ARMC2: variants seen among roughly 807,000 people sequenced by gnomAD.
ARMC2 encodes the protein armadillo repeat containing 2.
A neutral mutation model predicts 90.3 loss-of-function variants in ARMC2; 67 were observed. The observed-to-expected ratio is 0.74, with a 90% CI of 0.61 to 0.91. ARMC2 has a LOEUF of 0.91. Ranked by LOEUF, ARMC2 falls within the 40% of genes least tolerant of loss-of-function variation. The probability of loss-of-function intolerance (pLI) is 0.00; values close to 1 mark genes in which losing one functional copy is unlikely to be tolerated. For synonymous variants in ARMC2, 393 were observed against 393.0 expected, an observed-to-expected ratio of 1.00 and a Z score of 0.00; for missense variants, 920 against 1,030.9, an observed-to-expected ratio of 0.89 and a Z score of 1.47.
the ARMC2 span, among the ~76,000 whole-genome samples, chr6:109,044,311 C>CAAAAAAAAAAAAAAAAAAA: frequency 7.0e-5 from 2 of 28,458 alleles, no homozygotes; most frequent in African/African-American, 2.0e-4. Flanking sequence ...GAACTTGCCT[C>CAAAAAAAAAAAAAAAAAAA]AAAAAAAAAA....
At chr6:108,871,762 CT>C (rs1776439844) in intron 4 of ARMC2, among the ~76,000 whole-genome samples, 1 of 152,110 alleles carries the variant, frequency 6.6e-6, no homozygotes, top group African/African-American at 2.4e-5. Flanking sequence ...TGTCTGCATG[CT>C]CTGGGAGGTG....
chr6:108,910,362 A>G (rs1315238252), intron 8 of ARMC2, among the ~76,000 whole-genome samples: 1 of 152,182 alleles, frequency 6.6e-6, no homozygotes. Flanking sequence ...CGGCTGAGGC[A>G]AGAGAGTTGA....
In ARMC2 at chr6:108,953,243, G is replaced by T. The variant is rs758235155; in HGVS notation, c.1807G>T (p.Val603Leu). ...AQRPPSEAED[V>L]LIKLTRVLAN... ...GAGGCCGCCGTCAGAGGCAGAGGAC[G>T]TGCTCATCAAGCTGACTCGTGTGCT... Residue 603 changes from valine (V) to leucine (L), a missense_variant, in exon 13 of 18, where the codon GTG (valine) becomes TTG (leucine). By Grantham distance (32) the Val-to-Leu change is conservative. Transcript: ENST00000392644. The T allele has an allele frequency of 1.9e-6, 3 of 1,613,566 alleles. No homozygotes were observed. Among genetic ancestry groups the T allele is most frequent in the South Asian group, 1.1e-5 (1 of 91,090 alleles).
At chr6:109,019,600 T>C in the ARMC2 span, among the ~76,000 whole-genome samples, 1 of 152,212 alleles carries the variant, frequency 6.6e-6, no homozygotes, top group African/African-American at 2.4e-5. Flanking sequence ...TCTTATCCTT[T>C]AGTGACACAC....
intron 5 of ARMC2, among the ~76,000 whole-genome samples, chr6:108,878,026 C>T (rs1480801453): frequency 2.0e-5 from 3 of 152,076 alleles, no homozygotes; most frequent in East Asian, 3.8e-4. Flanking sequence ...ACATTTTTTG[C>T]TTTATGAATC....
intron 12 of ARMC2, 51 bp from the exon 13 acceptor site, chr6:108,952,982 A>T: frequency 6.8e-7 from 1 of 1,467,994 alleles, no homozygotes; most frequent in South Asian, 1.3e-5. Flanking sequence ...CTTCCCCACG[A>T]TGTGTTCCAG....
At chr6:108,950,022 A>G (rs1449259322) in intron 12 of ARMC2, among the ~76,000 whole-genome samples, 1 of 152,196 alleles carries the variant, frequency 6.6e-6, no homozygotes, top group African/African-American at 2.4e-5. Context: ...CCTAGCCAAC[A>G]TGGTGAAACC....
chr6:109,044,431 G>A, the ARMC2 span, among the ~76,000 whole-genome samples: 4 of 147,038 alleles, frequency 2.7e-5, no homozygotes, highest in African/African-American at 7.5e-5. Flanking sequence ...ACATCCATAC[G>A]CAAAGAAAAG....
At chr6:108,972,860 C>T (rs538015028) in intron 17 of ARMC2, among the ~76,000 whole-genome samples, 46 of 149,570 alleles carry the variant, frequency 3.1e-4, no homozygotes, top group African/African-American at 1.1e-3. Flanking sequence ...TTTTTCTGAG[C>T]TGTCACTGTG....
the ARMC2 span, among the ~76,000 whole-genome samples, chr6:108,985,609 C>CTAAG: frequency 6.6e-6 from 1 of 152,138 alleles, no homozygotes; most frequent in South Asian, 2.1e-4. Context: ...ATTTCAATTT[C>CTAAG]TAAGTGATTA....
chr6:108,994,681 C>T, the ARMC2 span: 23 of 683,216 alleles, frequency 3.4e-5, no homozygotes, highest in South Asian at 9.4e-5. Flanking sequence ...TTAAGTCTGT[C>T]TCATAAGAAT....
At position 108,873,447 on chromosome 6, in the gene ARMC2, GC is replaced by G. The variant is rs149270777; in HGVS notation, c.464-2691del. On this transcript the variant is annotated intron_variant, in intron 4 of 17. Transcript: ENST00000392644. ...CCCTGCTCACGCCTGTCCTGGGCCT[GC>G]CCCCTCACGGTGGGTGCACCGGCAG... Among the ~76,000 whole-genome samples, 638 of 152,214 alleles carry G rather than the reference GC, an allele frequency of 4.2e-3. 3 individuals carry two copies. The highest frequency in any genetic ancestry group is 0.014 in the African/African-American group (598 of 41,518).
At chr6:109,045,504 T>G in the ARMC2 span, among the ~76,000 whole-genome samples, 4 of 152,254 alleles carry the variant, frequency 2.6e-5, no homozygotes, top group Non-Finnish European at 4.4e-5. Context: ...CCAATGATAC[T>G]GAGTTCAACT....
At chr6:108,915,292 AAAAT>A (rs1174069629) in intron 10 of ARMC2, among the ~76,000 whole-genome samples, 5 of 152,104 alleles carry the variant, frequency 3.3e-5, no homozygotes, top group Non-Finnish European at 5.9e-5. Flanking sequence ...TTCAATTGAA[AAAAT>A]AAATAAATTA....
At chr6:109,023,334 A>C in the ARMC2 span, among the ~76,000 whole-genome samples, 4 of 152,194 alleles carry the variant, frequency 2.6e-5, no homozygotes, top group Non-Finnish European at 4.4e-5. Context: ...GTCTTCTCAA[A>C]TTTCATCTTC....
At chr6:109,044,532 A>C in the ARMC2 span, among the ~76,000 whole-genome samples, 1 of 152,000 alleles carries the variant, frequency 6.6e-6, no homozygotes, top group Non-Finnish European at 1.5e-5. Context: ...AATATATAAG[A>C]CTAAAAAACA....
chr6:109,021,079 G>A, the ARMC2 span, among the ~76,000 whole-genome samples: 3 of 151,944 alleles, frequency 2.0e-5, no homozygotes, highest in Non-Finnish European at 2.9e-5. Context: ...CAGCAGCCTC[G>A]AACTCTTGGG....
rs774219496 is a variant in ARMC2 at position 108,912,549 on chromosome 6, G to A, written c.1341G>A (p.Leu447=). The part of the protein sequence containing the change: ...CGTFLPNSGH[L]LVQVTATLRN... ...CATTTTTGCCTAATTCGGGCCACTT[G>A]CTAGTCCAGGTAAGTATTTTACTTG... is the stretch of plus-strand genomic sequence containing the variant. Residue 447 remains leucine (L), a synonymous_variant, in exon 10 of 18, where the codon TTG becomes TTA. Transcript: ENST00000392644. 17 of 1,611,166 alleles carry A rather than the reference G, an allele frequency of 1.1e-5. No homozygotes were observed. Among genetic ancestry groups the A allele is most frequent in the Non-Finnish European group, 1.4e-5 (16 of 1,177,690 alleles).
intron 3 of ARMC2, among the ~76,000 whole-genome samples, chr6:108,865,656 G>T (rs575436481): frequency 6.6e-6 from 1 of 152,252 alleles, no homozygotes; most frequent in East Asian, 1.9e-4. Context: ...CTTTGCTCTT[G>T]CCCTGCAGAG....
Sources: allele counts gnomAD v4.1 joint callset (sites outside exome capture counted in the v4.1 genomes callset), GRCh38; gene constraint gnomAD v4.1.1; transcripts MANE v1.5; gene names NCBI Gene and HGNC (gene_info 2026-07-23, HGNC 2026-07-21).